The following EPHA6 variants were observed in gnomAD, a reference collection of about 807,000 sequenced individuals.
EPHA6 encodes EPH receptor A6, also known as ephrin type-A receptor 6.
EPHA6 carries 50 observed loss-of-function variants against 112.0 expected under a neutral mutation model. The ratio of observed to expected loss-of-function variants is 0.45; its 90% CI spans 0.36 to 0.56. EPHA6 has a LOEUF of 0.56. Among genes scored for constraint, EPHA6 ranks in the 20% least tolerant of loss-of-function variants. The probability of loss-of-function intolerance (pLI) is 0.00; values close to 1 mark genes in which losing one functional copy is unlikely to be tolerated. For missense variants in EPHA6, 1,280 were observed against 1,417.4 expected (o/e 0.90, Z 1.56); for synonymous variants, 529 against 490.7 (o/e 1.08, Z -1.03).
chr3:97,563,735 A>G (rs2093224146), intron 11 of EPHA6, among the ~76,000 whole-genome samples: 1 of 152,214 alleles, frequency 6.6e-6, no homozygotes, highest in African/African-American at 2.4e-5. Context: ...AGAATTAAGC[A>G]TTATTTAACC....
intron 1 of EPHA6, among the ~76,000 whole-genome samples, chr3:96,854,618 G>T (rs192362354): frequency 2.6e-5 from 4 of 152,194 alleles, no homozygotes; most frequent in Admixed American, 1.3e-4. Context: ...ATATGTGTGT[G>T]TGTAAAAAAA....
At chr3:97,506,878 TC>T (rs1421881364) in intron 10 of EPHA6, among the ~76,000 whole-genome samples, 2 of 152,206 alleles carry the variant, frequency 1.3e-5, no homozygotes, top group Non-Finnish European at 2.9e-5. Flanking sequence ...CTTGAAGAAG[TC>T]CTTCACATCC....
chr3:97,642,686 A>G (rs1440881084), intron 14 of EPHA6, among the ~76,000 whole-genome samples: 3 of 152,146 alleles, frequency 2.0e-5, no homozygotes, highest in African/African-American at 7.2e-5. Flanking sequence ...AAGAAAGGGT[A>G]TCAGCAATGG....
rs958669920 is a variant in EPHA6, at chr3:97,595,503, G to C, written c.2512+2766G>C. Among the ~76,000 whole-genome samples the C allele has an allele frequency of 2.6e-5, 4 of 152,044 alleles. No individual in the cohort carries two copies. In the South Asian group the frequency reaches 8.3e-4, roughly 32 times the overall value. ...TACTAAAAATACAAAAAATTAGCTG[G>C]GCATGGTGGCGGGCACCTGTAATCT... On this transcript the variant is annotated intron_variant, in intron 12 of 17. Transcript: ENST00000389672.
At chr3:97,110,852 A>C (rs1440926544) in intron 3 of EPHA6, among the ~76,000 whole-genome samples, 3 of 152,012 alleles carry the variant, frequency 2.0e-5, no homozygotes, top group Non-Finnish European at 2.9e-5. Flanking sequence ...AAAAGGAAAA[A>C]CTTGGAATTC....
At chr3:97,490,305 T>G (rs1220348848) in intron 10 of EPHA6, among the ~76,000 whole-genome samples, 1 of 152,158 alleles carries the variant, frequency 6.6e-6, no homozygotes, top group Non-Finnish European at 1.5e-5. Flanking sequence ...ATTGTTACAT[T>G]GCTTTATATT....
At chr3:97,387,062 G>C (rs2086110707) in intron 5 of EPHA6, among the ~76,000 whole-genome samples, 1 of 152,188 alleles carries the variant, frequency 6.6e-6, no homozygotes, top group Non-Finnish European at 1.5e-5. Flanking sequence ...CCCTCGACCT[G>C]GCCCACAAAA....
chr3:97,690,131 A>G (rs557201834), intron 14 of EPHA6, among the ~76,000 whole-genome samples: 1 of 152,282 alleles, frequency 6.6e-6, no homozygotes, highest in African/African-American at 2.4e-5. Flanking sequence ...GTTTTTATTT[A>G]TCTTGGGTAT....
intron 3 of EPHA6, among the ~76,000 whole-genome samples, chr3:97,068,843 A>G (rs935140062): frequency 1.6e-4 from 24 of 152,256 alleles, no homozygotes; most frequent in Non-Finnish European, 2.5e-4. Flanking sequence ...CCAGTCCACA[A>G]CCTGGAAAAG....
intron 14 of EPHA6, among the ~76,000 whole-genome samples, chr3:97,644,718 C>T (rs561974745): frequency 1.9e-4 from 28 of 150,458 alleles, no homozygotes; most frequent in African/African-American, 6.6e-4. Flanking sequence ...GACACATACA[C>T]TCTCCCAAGA....
At chr3:96,971,343 C>T (rs934605438) in intron 2 of EPHA6, among the ~76,000 whole-genome samples, 2 of 152,056 alleles carry the variant, frequency 1.3e-5, no homozygotes, top group African/African-American at 4.8e-5. Context: ...TGAATTCTTA[C>T]CTTTGTTATT....
chr3:97,154,982 A>G (rs935259677), intron 3 of EPHA6, among the ~76,000 whole-genome samples: 1 of 152,308 alleles, frequency 6.6e-6, no homozygotes, highest in East Asian at 1.9e-4. Context: ...GACTTAGGTA[A>G]AATAAAGATT....
chr3:97,351,540 G>C (rs2083815029), intron 5 of EPHA6, among the ~76,000 whole-genome samples: 1 of 152,088 alleles, frequency 6.6e-6, no homozygotes, highest in African/African-American at 2.4e-5. Context: ...TGTACGGCGA[G>C]GGAAATTATT....
intron 5 of EPHA6, among the ~76,000 whole-genome samples, chr3:97,272,261 T>A (rs2079907709): frequency 1.3e-5 from 2 of 152,190 alleles, no homozygotes; most frequent in African/African-American, 4.8e-5. Context: ...AATGGCAGCA[T>A]CTCTTTCTTT....
At chr3:97,289,582 C>T (rs2080605525) in intron 5 of EPHA6, among the ~76,000 whole-genome samples, 1 of 151,940 alleles carries the variant, frequency 6.6e-6, no homozygotes, top group South Asian at 2.1e-4. Flanking sequence ...GTTCCATATG[C>T]ATTTTATGAT....
At chr3:96,958,253 G>A (rs539124366) in intron 2 of EPHA6, among the ~76,000 whole-genome samples, 1 of 150,884 alleles carries the variant, frequency 6.6e-6, no homozygotes, top group South Asian at 2.1e-4. Flanking sequence ...CCCCGCCATT[G>A]CACTCCAGCC....
intron 4 of EPHA6, among the ~76,000 whole-genome samples, chr3:97,238,322 C>A (rs1284017853): frequency 6.6e-6 from 1 of 151,876 alleles, no homozygotes; most frequent in African/African-American, 2.4e-5. Flanking sequence ...TTCTTAGTAG[C>A]ACTAGGCTCT....
chr3:97,480,148 G>A (rs1361097917), intron 9 of EPHA6, among the ~76,000 whole-genome samples: 1 of 152,084 alleles, frequency 6.6e-6, no homozygotes, highest in Non-Finnish European at 1.5e-5. Flanking sequence ...GAAAGGGAAA[G>A]GATTTAAGTG....
rs1166185432 is a variant in EPHA6, at chr3:96,987,488, G to A, written c.609G>A (p.Arg203=). ...ATGTGGAAATGAAATTCACACTAAG[G>A]GATTGTAACAGCATCCCATGGGTCT... ...KIYVEMKFTL[R]DCNSIPWVLG... Residue 203 remains arginine, a synonymous_variant, in exon 3 of 18, where the codon AGG becomes AGA. Transcript: ENST00000389672. 4 of 1,613,742 alleles carry A rather than the reference G, an allele frequency of 2.5e-6. No homozygotes were observed. In the African/African-American group the frequency reaches 5.3e-5, roughly 22 times the overall value.
Sources: allele counts gnomAD v4.1 joint callset (sites outside exome capture counted in the v4.1 genomes callset), GRCh38; gene constraint gnomAD v4.1.1; transcripts MANE v1.5; gene names NCBI Gene and HGNC (gene_info 2026-07-23, HGNC 2026-07-21).